ASTN2: variants seen among roughly 807,000 people sequenced by gnomAD.
ASTN2 encodes astrotactin 2, also known as astrotactin-2.
A neutral mutation model predicts 139.8 loss-of-function variants in ASTN2; 54 were observed. The ratio of observed to expected loss-of-function variants is 0.39; its 90% CI spans 0.31 to 0.48. The LOEUF is 0.48. Among genes scored for constraint, ASTN2 ranks in the 20% least tolerant of loss-of-function variants. The probability of loss-of-function intolerance (pLI) is 0.95; values close to 1 mark genes in which losing one functional copy is unlikely to be tolerated. For missense variants in ASTN2, 1,565 were observed against 1,725.1 expected (o/e 0.91, Z 1.64); for synonymous variants, 756 against 719.5 (o/e 1.05, Z -0.81).
chr9:116,549,754 C>T (rs1852261539), intron 19 of ASTN2, among the ~76,000 whole-genome samples: 3 of 152,278 alleles, frequency 2.0e-5, no homozygotes, highest in South Asian at 2.1e-4. Context: ...TTGTTTGATG[C>T]CCATTTCCAC....
At chr9:116,751,658 G>A (rs1829407109) in intron 13 of ASTN2, among the ~76,000 whole-genome samples, 1 of 152,062 alleles carries the variant, frequency 6.6e-6, no homozygotes, top group East Asian at 1.9e-4. Context: ...AAGTGATTAT[G>A]ACAAGCTTGT....
At chr9:116,471,875 T>C (rs958394892) in intron 20 of ASTN2, among the ~76,000 whole-genome samples, 4 of 152,152 alleles carry the variant, frequency 2.6e-5, no homozygotes, top group Non-Finnish European at 5.9e-5. Context: ...TGAAACCAGA[T>C]TTTTACATTT....
At chr9:116,597,813 C>T (rs191349156) in intron 19 of ASTN2, among the ~76,000 whole-genome samples, 1 of 152,168 alleles carries the variant, frequency 6.6e-6, no homozygotes, top group South Asian at 2.1e-4. Flanking sequence ...TTCTAAGAAG[C>T]CTTTGGAATC....
chr9:116,513,835 T>C (rs981023325), intron 19 of ASTN2, among the ~76,000 whole-genome samples: 64 of 152,124 alleles, frequency 4.2e-4, no homozygotes, highest in Non-Finnish European at 7.5e-4. Flanking sequence ...TATCGTGCCA[T>C]GGTTTTCAGC....
intron 20 of ASTN2, among the ~76,000 whole-genome samples, chr9:116,451,989 C>G (rs2118924374): frequency 6.6e-6 from 1 of 152,262 alleles, no homozygotes; most frequent in South Asian, 2.1e-4. Context: ...CATCCCCCGT[C>G]TTTTCCTCCT....
intron 3 of ASTN2, among the ~76,000 whole-genome samples, chr9:117,213,710 C>A (rs998461557): frequency 1.3e-5 from 2 of 152,158 alleles, no homozygotes; most frequent in African/African-American, 4.8e-5. Flanking sequence ...TTTTTCTCAG[C>A]CCTGGATCAT....
intron 5 of ASTN2, among the ~76,000 whole-genome samples, chr9:117,045,176 AT>A (rs1838695414): frequency 6.6e-6 from 1 of 152,158 alleles, no homozygotes; most frequent in East Asian, 1.9e-4. Context: ...TAAGAAAAAA[AT>A]ATTTCCATCT....
intron 2 of ASTN2, among the ~76,000 whole-genome samples, chr9:117,227,283 T>G (rs1046072655): frequency 6.6e-6 from 1 of 152,232 alleles, no homozygotes; most frequent in Non-Finnish European, 1.5e-5. Context: ...ATGTCACTTA[T>G]CTCTCACTTT....
intron 6 of ASTN2, among the ~76,000 whole-genome samples, chr9:117,024,875 T>TCCCCCATACTGTTC (rs58449818): frequency 0.023 from 3,520 of 152,128 alleles, 124 homozygotes; most frequent in African/African-American, 0.081. Flanking sequence ...ATGGGCAGTT[T>TCCCCCATACTGTTC]CCCCCATACT....
chr9:117,371,355 A>G (rs1328292641), intron 1 of ASTN2, among the ~76,000 whole-genome samples: 3 of 152,180 alleles, frequency 2.0e-5, no homozygotes, highest in Non-Finnish European at 4.4e-5. Flanking sequence ...TAATATGGTA[A>G]CATCCCTCCC....
chr9:117,389,613 G>A (rs182534219), intron 1 of ASTN2, among the ~76,000 whole-genome samples: 95 of 152,252 alleles, frequency 6.2e-4, no homozygotes, highest in African/African-American at 2.2e-3. Context: ...TTGACACTAT[G>A]GAGGCAGGAA....
intron 13 of ASTN2, among the ~76,000 whole-genome samples, chr9:116,738,065 G>A (rs1037831872): frequency 1.1e-4 from 17 of 151,690 alleles, no homozygotes; most frequent in South Asian, 4.2e-4. Flanking sequence ...GGTAGCGGGC[G>A]CCTGTAGTCC....
At chr9:116,509,247 G>A (rs1304378395) in intron 19 of ASTN2, among the ~76,000 whole-genome samples, 1 of 152,138 alleles carries the variant, frequency 6.6e-6, no homozygotes, top group Non-Finnish European at 1.5e-5. Context: ...ATATGAGTGA[G>A]AACATGCAGT....
chr9:116,434,143 A>T (rs1406266450), intron 22 of ASTN2, among the ~76,000 whole-genome samples: 1 of 152,204 alleles, frequency 6.6e-6, no homozygotes, highest in African/African-American at 2.4e-5. Context: ...GATACCTTCA[A>T]TTATAAGATA....
intron 1 of ASTN2, among the ~76,000 whole-genome samples, chr9:117,379,574 G>A (rs1830212926): frequency 6.6e-6 from 1 of 152,152 alleles, no homozygotes; most frequent in African/African-American, 2.4e-5. Context: ...ATAATAAAAT[G>A]TAATTGAAGT....
At chr9:117,340,331 C>CAAAA (rs56228779) in intron 1 of ASTN2, among the ~76,000 whole-genome samples, 21 of 40,210 alleles carry the variant, frequency 5.2e-4, no homozygotes, top group Non-Finnish European at 5.4e-4. Flanking sequence ...GACTCAGTCT[C>CAAAA]AAAAAAAAAA....
intron 20 of ASTN2, among the ~76,000 whole-genome samples, chr9:116,465,726 AACAAAC>A (rs1177727560): frequency 5.3e-5 from 8 of 152,244 alleles, no homozygotes; most frequent in Non-Finnish European, 1.2e-4. Context: ...TAAGCAAGCA[AACAAAC>A]ACAAACCCAC....
At chr9:116,642,141 A>AAC (rs1157129854) in intron 17 of ASTN2, among the ~76,000 whole-genome samples, 4 of 145,860 alleles carry the variant, frequency 2.7e-5, no homozygotes, top group African/African-American at 1.1e-4. Flanking sequence ...ACAAAAAAAA[A>AAC]AAAACAAAAA....
intron 5 of ASTN2, among the ~76,000 whole-genome samples, chr9:117,085,383 C>T (rs1484817281): frequency 6.6e-6 from 1 of 152,156 alleles, no homozygotes; most frequent in East Asian, 1.9e-4. Context: ...AAGTATTTTC[C>T]AGTTTCCATA....
Sources: allele counts gnomAD v4.1 joint callset (sites outside exome capture counted in the v4.1 genomes callset), GRCh38; gene constraint gnomAD v4.1.1; transcripts MANE v1.5; gene names NCBI Gene and HGNC (gene_info 2026-07-23, HGNC 2026-07-21).